The following COL13A1 variants were observed in gnomAD, a reference collection of about 807,000 sequenced individuals.
COL13A1 encodes the protein collagen alpha-1(XIII) chain.
COL13A1 carries 89 observed loss-of-function variants against 130.9 expected under a neutral mutation model. That is an observed-to-expected ratio of 0.68 (90% CI 0.57 to 0.81). COL13A1 has a LOEUF of 0.81. Among genes scored for constraint, COL13A1 ranks in the 30% least tolerant of loss-of-function variants. COL13A1 has a pLI of 0.00. For missense variants in COL13A1, 879 were observed against 934.6 expected, an observed-to-expected ratio of 0.94 and a Z score of 0.78; for synonymous variants, 402 against 341.6, an observed-to-expected ratio of 1.18 and a Z score of -1.95.
intron 17 of COL13A1, among the ~76,000 whole-genome samples, chr10:69,906,516 C>G (rs2062768661): frequency 6.6e-6 from 1 of 152,118 alleles, no homozygotes; most frequent in African/African-American, 2.4e-5. Flanking sequence ...CCTTACAGCA[C>G]AGCAGGTCCA....
At chr10:69,926,978 AC>A in intron 26 of COL13A1, 108 bp from the exon 27 acceptor site, 1 of 1,496,898 alleles carries the variant, frequency 6.7e-7, no homozygotes, top group Non-Finnish European at 9.3e-7. Flanking sequence ...CCCTCCACCC[AC>A]GCTCCTTTGA....
intron 3 of COL13A1, among the ~76,000 whole-genome samples, chr10:69,869,543 G>A (rs1373948853): frequency 2.0e-5 from 3 of 152,186 alleles, no homozygotes; most frequent in Non-Finnish European, 2.9e-5. Flanking sequence ...AGATTTCTGC[G>A]GGCACAAGGT....
intron 38 of COL13A1, 110 bp downstream of exon 38, chr10:69,947,452 G>A: frequency 2.8e-6 from 3 of 1,076,010 alleles, no homozygotes; most frequent in Non-Finnish European, 1.4e-6. Flanking sequence ...TTCCTGATAA[G>A]TCATCCTAAA....
intron 3 of COL13A1, among the ~76,000 whole-genome samples, chr10:69,869,031 C>G (rs1364108070): frequency 6.6e-6 from 1 of 151,744 alleles, no homozygotes; most frequent in Non-Finnish European, 1.5e-5. Flanking sequence ...ACCTCACCCC[C>G]AGGGGCAGGA....
At position 69,855,190 on chromosome 10, in the gene COL13A1, G is replaced by A. The variant is rs560820275; in HGVS notation, c.365-12608G>A. ...TACTGCTGGCACACAGTAAGTGTTA[G>A]GGTAGCTGTTTTCCTGGCCACCTGT... On this transcript the variant is annotated intron_variant, in intron 2 of 40. Coordinates refer to ENST00000645393, the MANE Select transcript of COL13A1 (RefSeq NM_001368882.1). Among the ~76,000 whole-genome samples, 5 of 152,330 alleles carry A rather than the reference G, an allele frequency of 3.3e-5. No individual in the cohort carries two copies. The East Asian group carries it at 7.7e-4, about 23-fold the overall frequency.
intron 2 of COL13A1, among the ~76,000 whole-genome samples, chr10:69,823,827 C>G: frequency 1.3e-5 from 2 of 152,090 alleles, no homozygotes; most frequent in South Asian, 4.2e-4. Flanking sequence ...AGATAGGGCC[C>G]GGGGGTCTGG....
intron 21 of COL13A1, among the ~76,000 whole-genome samples, chr10:69,920,590 C>T (rs966442399): frequency 2.6e-5 from 4 of 152,168 alleles, no homozygotes; most frequent in Non-Finnish European, 5.9e-5. Flanking sequence ...AGAGAGAGAC[C>T]TTTGAGAGAC....
At chr10:69,886,658 C>T (rs111679248) in intron 7 of COL13A1, among the ~76,000 whole-genome samples, 8,585 of 152,190 alleles carry the variant, frequency 0.056, 853 homozygotes, top group African/African-American at 0.2. Flanking sequence ...ACAAGACTCA[C>T]GTTTCTTAGC....
chr10:69,917,360 G>T, intron 18 of COL13A1, 27 bp downstream of exon 18: 1 of 1,601,746 alleles, frequency 6.2e-7, no homozygotes, highest in Non-Finnish European at 8.5e-7. Flanking sequence ...CACATCCCAG[G>T]CAGCCCCAAG....
At chr10:69,875,260 C>A in intron 5 of COL13A1, 97 bp downstream of exon 5, 1 of 1,474,696 alleles carries the variant, frequency 6.8e-7, no homozygotes, top group Non-Finnish European at 9.4e-7. Flanking sequence ...CTATCCCAGG[C>A]CCAAGGAGGG....
chr10:69,877,745 ACG>A (rs2059746215), intron 5 of COL13A1: 3 of 343,236 alleles, frequency 8.7e-6, no homozygotes, highest in African/African-American at 2.6e-5. Context: ...ACACACACAC[ACG>A]TACGTGCCTC....
chr10:69,811,781 A>T (rs1467400336), intron 1 of COL13A1, among the ~76,000 whole-genome samples: 1 of 152,098 alleles, frequency 6.6e-6, no homozygotes, highest in Non-Finnish European at 1.5e-5. Context: ...GGCCCAGCCA[A>T]TCTCTACACC....
chr10:69,937,818 C>T (rs915503774), intron 34 of COL13A1, 103 bp downstream of exon 34: 12 of 647,980 alleles, frequency 1.9e-5, no homozygotes, highest in African/African-American at 5.5e-5. Flanking sequence ...AGAGTCTGAG[C>T]ATCCAGAGTT....
At chr10:69,933,744 A>G (rs191485855) in intron 31 of COL13A1, among the ~76,000 whole-genome samples, 14 of 152,376 alleles carry the variant, frequency 9.2e-5, no homozygotes, top group African/African-American at 3.4e-4. Flanking sequence ...AGTATTTAAA[A>G]TAAACATTAG....
At chr10:69,956,825 A>G in intron 39 of COL13A1, 179 bp from the exon 40 acceptor site, 1 of 600,552 alleles carries the variant, frequency 1.7e-6, no homozygotes, top group Non-Finnish European at 3.1e-6. Context: ...AAATAGCCGG[A>G]TTTGTTTCCA....
rs970979872 is a variant in COL13A1, at chr10:69,897,406, T to C, written c.685-1291T>C. ...GAGGGGTGGGGAGCAGGGGAGCTGG[T>C]GTCTGTGGGCTCTCCCCTCACGGTC... On this transcript the variant is annotated intron_variant, in intron 13 of 40. Coordinates refer to ENST00000645393, the MANE Select transcript of COL13A1 (RefSeq NM_001368882.1). 6 of 1,504,276 alleles carry C rather than the reference T, an allele frequency of 4.0e-6. No individual in the cohort carries two copies. In the African/African-American group the frequency reaches 5.5e-5, roughly 14 times the overall value. 93.2% of individuals were successfully genotyped at this position (1,504,276 alleles called of 1,614,324 possible).
chr10:69,869,583 AGGAT>A (rs2058857669), intron 3 of COL13A1, among the ~76,000 whole-genome samples: 1 of 152,354 alleles, frequency 6.6e-6, no homozygotes, highest in Admixed American at 6.5e-5. Context: ...ATAACTGTGC[AGGAT>A]GGATTAAAGC....
chr10:69,822,471 G>A (rs377383999), intron 2 of COL13A1, 33 bp downstream of exon 2: 3 of 1,540,000 alleles, frequency 1.9e-6, no homozygotes, highest in Non-Finnish European at 2.6e-6. Flanking sequence ...GACCGCGGAT[G>A]TTCCTAAGAC....
At chr10:69,813,099 C>T (rs1589172626) in intron 1 of COL13A1, among the ~76,000 whole-genome samples, 1 of 152,220 alleles carries the variant, frequency 6.6e-6, no homozygotes, top group East Asian at 1.9e-4. Flanking sequence ...CAACATTAAC[C>T]CCTAGAACAT....
Sources: gnomAD v4.1 joint callset for allele counts (sites outside exome capture counted in the v4.1 genomes callset) on GRCh38, gnomAD v4.1.1 for gene constraint, MANE v1.5 for transcripts, NCBI Gene and HGNC (gene_info 2026-07-23, HGNC 2026-07-21) for gene names.